Variants in ADAMTS20 observed in about 807,000 individuals in gnomAD.
The protein encoded by ADAMTS20 is A disintegrin and metalloproteinase with thrombospondin motifs 20.
In ADAMTS20, 225 loss-of-function variants were observed where a neutral mutation model predicts 260.1. The ratio of observed to expected loss-of-function variants is 0.87; its 90% CI spans 0.78 to 0.97. The LOEUF is 0.97. Among genes scored for constraint, ADAMTS20 ranks in the 50% least tolerant of loss-of-function variants. ADAMTS20 has a pLI of 0.00. For synonymous variants in ADAMTS20, 802 were observed against 769.5 expected, an observed-to-expected ratio of 1.04 and a Z score of -0.70; for missense variants, 2,400 against 2,337.7, an observed-to-expected ratio of 1.03 and a Z score of -0.55.
At chr12:43,395,439 A>G (rs892849886) in intron 29 of ADAMTS20, among the ~76,000 whole-genome samples, 3 of 152,194 alleles carry the variant, frequency 2.0e-5, no homozygotes, top group Non-Finnish European at 4.4e-5. Context: ...GAAATACAAA[A>G]TATCTTAAAC....
intron 15 of ADAMTS20, among the ~76,000 whole-genome samples, 200 bp downstream of exon 15, chr12:43,446,395 G>A (rs902931746): frequency 1.3e-5 from 2 of 152,098 alleles, no homozygotes; most frequent in African/African-American, 4.8e-5. Flanking sequence ...TGGGGCAGGT[G>A]AATTCATTAA....
chr12:43,483,242 C>G (rs927147844), intron 7 of ADAMTS20, among the ~76,000 whole-genome samples: 2 of 152,118 alleles, frequency 1.3e-5, no homozygotes, highest in African/African-American at 2.4e-5. Flanking sequence ...AAAGAAGCAG[C>G]AAGATTCACG....
intron 29 of ADAMTS20, 139 bp from the exon 30 acceptor site, chr12:43,384,116 A>T: frequency 7.2e-6 from 6 of 828,702 alleles, no homozygotes; most frequent in Non-Finnish European, 8.8e-6. Context: ...AAATACATAC[A>T]ATAAGTATTT....
intron 4 of ADAMTS20, among the ~76,000 whole-genome samples, chr12:43,501,399 T>C (rs1001320425): frequency 6.6e-6 from 1 of 151,810 alleles, no homozygotes. Flanking sequence ...AGGGCTACCC[T>C]TAGTGATTAC....
At chr12:43,364,861 T>C (rs1330352196) in intron 37 of ADAMTS20, among the ~76,000 whole-genome samples, 1 of 152,116 alleles carries the variant, frequency 6.6e-6, no homozygotes, top group African/African-American at 2.4e-5. Context: ...AAATAATGAC[T>C]GAAAACTTTC....
At chr12:43,406,953 T>C (rs1434813165) in intron 28 of ADAMTS20, among the ~76,000 whole-genome samples, 1 of 152,046 alleles carries the variant, frequency 6.6e-6, no homozygotes, top group African/African-American at 2.4e-5. Flanking sequence ...TTTAATTCAA[T>C]ACACATGTGC....
chr12:43,500,778 C>T (rs10880511), intron 4 of ADAMTS20, among the ~76,000 whole-genome samples: 49,952 of 151,902 alleles, frequency 0.33, 8,812 homozygotes, highest in East Asian at 0.75. Context: ...AGTACCCACA[C>T]TGTATCATAT....
rs1248367639 is a variant in ADAMTS20 at position 43,376,649 on chromosome 12, G to A, written c.5000C>T (p.Ser1667Leu). ...CATTATCCCAATTCCACAAGTCACT[G>A]AGCACTGTGAAAAGAGTAAAATTTG... ...TWKVGKWSKC[S>L]VTCGIGIMKR... The change falls in exon 33 of 39, where the codon TCA becomes TTA. Residue 1667 changes from serine (S) to leucine (L), a missense_variant. By Grantham distance (145) the Ser-to-Leu change is moderately radical (BLOSUM62 -2). Coordinates refer to ENST00000389420, the MANE Select transcript of ADAMTS20 (RefSeq NM_025003.5). 2 of 1,604,642 alleles carry A rather than the reference G, an allele frequency of 1.2e-6. No individual in the cohort carries two copies. The highest frequency in any genetic ancestry group is 8.5e-7 in the Non-Finnish European group (1 of 1,177,432).
chr12:43,452,881 T>A (rs191769909), intron 12 of ADAMTS20, among the ~76,000 whole-genome samples, 186 bp from the exon 13 acceptor site: 3 of 152,310 alleles, frequency 2.0e-5, no homozygotes, highest in Admixed American at 6.5e-5. Flanking sequence ...ATATCCACCT[T>A]AACGTGGACA....
intron 3 of ADAMTS20, among the ~76,000 whole-genome samples, chr12:43,527,876 T>C (rs942238448): frequency 1.3e-5 from 2 of 152,054 alleles, no homozygotes; most frequent in Non-Finnish European, 2.9e-5. Flanking sequence ...GGCATCCAAA[T>C]TGGAAAAGAG....
chr12:43,468,597 T>TA lies in ADAMTS20; in HGVS notation c.1223+2dup, dbSNP rs1387218763. 1.9e-6 allele frequency: 3 copies of TA among 1,572,660 alleles called. No homozygotes were observed. The highest frequency in any genetic ancestry group is 2.6e-6 in the Non-Finnish European group (3 of 1,149,098). On this transcript the variant is annotated splice_region_variant and intron_variant, in intron 8 of 38. Transcript: ENST00000389420. ...CATTAAGGAGGTGACAGAAGGTACT[T>TA]ACGTGTGCCCAAGCTCATGGGCTAT...
At chr12:43,465,964 A>T (rs534275325) in intron 9 of ADAMTS20, among the ~76,000 whole-genome samples, 1 of 152,216 alleles carries the variant, frequency 6.6e-6, no homozygotes, top group East Asian at 1.9e-4. Context: ...GAAGAAGTGA[A>T]GTAGTGTTAC....
chr12:43,532,742 C>A, intron 2 of ADAMTS20, among the ~76,000 whole-genome samples: 1 of 81,102 alleles, frequency 1.2e-5, no homozygotes, highest in African/African-American at 4.7e-5. Context: ...GTGTGATATT[C>A]CCCTTCCTGT....
At chr12:43,455,675 C>G (rs568948813) in intron 11 of ADAMTS20, among the ~76,000 whole-genome samples, 53 of 152,018 alleles carry the variant, frequency 3.5e-4, no homozygotes, top group Middle Eastern at 3.4e-3. Flanking sequence ...CTTTATTTAT[C>G]CTTTCATCCA....
chr12:43,368,453 T>A (rs1050399282), intron 37 of ADAMTS20, among the ~76,000 whole-genome samples: 2 of 152,064 alleles, frequency 1.3e-5, no homozygotes, highest in Non-Finnish European at 2.9e-5. Context: ...TCCTTTAAGT[T>A]CTCTAACAGA....
intron 36 of ADAMTS20, among the ~76,000 whole-genome samples, chr12:43,373,889 C>T (rs1411870905): frequency 1.3e-5 from 2 of 151,390 alleles, no homozygotes; most frequent in African/African-American, 4.9e-5. Flanking sequence ...CCGTTTTAGC[C>T]GGGATGGTCT....
chr12:43,400,764 GCTGA>G (rs1940794826), intron 28 of ADAMTS20, among the ~76,000 whole-genome samples: 1 of 151,790 alleles, frequency 6.6e-6, no homozygotes, highest in South Asian at 2.1e-4. Flanking sequence ...CATGGAGTGT[GCTGA>G]CTACTTTGAG....
At chr12:43,483,982 C>T (rs1021413792) in intron 7 of ADAMTS20, among the ~76,000 whole-genome samples, 1 of 152,098 alleles carries the variant, frequency 6.6e-6, no homozygotes, top group African/African-American at 2.4e-5. Flanking sequence ...ACACAGGAGA[C>T]AGTGAACCCA....
intron 29 of ADAMTS20, among the ~76,000 whole-genome samples, chr12:43,396,512 G>A (rs978068526): frequency 6.6e-5 from 10 of 152,086 alleles, no homozygotes; most frequent in African/African-American, 2.4e-4. Context: ...GCTTTTTATA[G>A]AATAAATCAA....
Sources: allele counts gnomAD v4.1 joint callset (sites outside exome capture counted in the v4.1 genomes callset), GRCh38; gene constraint gnomAD v4.1.1; transcripts MANE v1.5; gene names NCBI Gene and HGNC (gene_info 2026-07-23, HGNC 2026-07-21).